The following PDE1A variants were observed in gnomAD, a reference collection of about 807,000 sequenced individuals.
The protein encoded by PDE1A is dual specificity calcium/calmodulin-dependent 3',5'-cyclic nucleotide phosphodiesterase 1A.
In PDE1A, 35 loss-of-function variants were observed where a neutral mutation model predicts 61.7. The ratio of observed to expected loss-of-function variants is 0.57; its 90% CI spans 0.43 to 0.75. The LOEUF is 0.75. Among genes scored for constraint, PDE1A ranks in the 30% least tolerant of loss-of-function variants. The pLI, the probability that PDE1A is intolerant of heterozygous loss-of-function variation, is 0.00. For synonymous variants in PDE1A, 232 were observed against 213.2 expected, an observed-to-expected ratio of 1.09 and a Z score of -0.77; for missense variants, 597 against 630.6, an observed-to-expected ratio of 0.95 and a Z score of 0.57.
At chr2:182,147,333 T>C (rs1690549103) in intron 13 of PDE1A, among the ~76,000 whole-genome samples, 181 bp from the exon 14 acceptor site, 1 of 152,202 alleles carries the variant, frequency 6.6e-6, no homozygotes, top group Non-Finnish European at 1.5e-5. Context: ...CTACATAGTA[T>C]AACAAGCTAT....
intron 2 of PDE1A, among the ~76,000 whole-genome samples, chr2:182,504,901 C>CT (rs1220058704): frequency 6.6e-6 from 1 of 152,186 alleles, no homozygotes; most frequent in East Asian, 1.9e-4. Flanking sequence ...CATTGGAAAA[C>CT]TTCAAGATTA....
At chr2:182,701,258 A>G in the PDE1A span, among the ~76,000 whole-genome samples, 1 of 151,566 alleles carries the variant, frequency 6.6e-6, no homozygotes, top group Non-Finnish European at 1.5e-5. Flanking sequence ...GATGGTCTCG[A>G]TCTCCTGACC....
At chr2:182,678,946 TTA>T in the PDE1A span, among the ~76,000 whole-genome samples, 1 of 151,850 alleles carries the variant, frequency 6.6e-6, no homozygotes, top group Non-Finnish European at 1.5e-5. Flanking sequence ...AGGGAGAATT[TTA>T]TATGTTGTCA....
chr2:182,281,873 T>C (rs1693832026), intron 1 of PDE1A, among the ~76,000 whole-genome samples: 1 of 151,902 alleles, frequency 6.6e-6, no homozygotes, highest in African/African-American at 2.4e-5. Context: ...AGTTTAATAT[T>C]AAATATAGTT....
intron 13 of PDE1A, among the ~76,000 whole-genome samples, chr2:182,183,872 A>C (rs767578571): frequency 6.6e-6 from 1 of 152,038 alleles, no homozygotes; most frequent in Non-Finnish European, 1.5e-5. Flanking sequence ...ATAAAAAGTT[A>C]ATTCAGTGAA....
intron 2 of PDE1A, chr2:182,463,461 G>T (rs1281305146): frequency 2.0e-5 from 3 of 151,970 alleles, no homozygotes; most frequent in Non-Finnish European, 4.4e-5. Flanking sequence ...AGCCCACTCT[G>T]ATTTAAACTC....
chr2:182,408,592 A>C (rs921383879), intron 1 of PDE1A, among the ~76,000 whole-genome samples: 4 of 152,158 alleles, frequency 2.6e-5, no homozygotes, highest in African/African-American at 4.8e-5. Context: ...GGGTGGACTA[A>C]ATGAAGACGT....
the PDE1A span, among the ~76,000 whole-genome samples, chr2:182,712,025 CAAT>C: frequency 4.6e-5 from 7 of 152,290 alleles, no homozygotes; most frequent in Middle Eastern, 3.4e-3. Flanking sequence ...AAACTACCAA[CAAT>C]GAGACGAATC....
the PDE1A span, among the ~76,000 whole-genome samples, chr2:182,627,943 C>CAA: frequency 1.5e-3 from 188 of 124,360 alleles, 1 homozygote; most frequent in East Asian, 3.7e-3. Context: ...GACTCCATCT[C>CAA]AAAAAAAAAA....
chr2:182,405,444 C>T (rs1702247641), intron 1 of PDE1A, among the ~76,000 whole-genome samples: 2 of 152,198 alleles, frequency 1.3e-5, no homozygotes, highest in Non-Finnish European at 2.9e-5. Context: ...TCAAGCGGTC[C>T]TGACATAAAC....
At chr2:182,606,959 C>T in the PDE1A span, among the ~76,000 whole-genome samples, 2 of 152,082 alleles carry the variant, frequency 1.3e-5, no homozygotes, top group Admixed American at 1.3e-4. Context: ...AAGGTGCTGC[C>T]GCTGAGGAGA....
At chr2:182,552,894 C>T in the PDE1A span, among the ~76,000 whole-genome samples, 1 of 152,076 alleles carries the variant, frequency 6.6e-6, no homozygotes, top group Non-Finnish European at 1.5e-5. Flanking sequence ...GCTGAGCTTT[C>T]GCTCGCCATC....
chr2:182,532,660 T>C, the PDE1A span, among the ~76,000 whole-genome samples: 10 of 152,250 alleles, frequency 6.6e-5, no homozygotes, highest in African/African-American at 2.2e-4. Flanking sequence ...ATTATATACT[T>C]AAAAATCAAT....
chr2:182,350,172 G>T (rs1474054780), intron 1 of PDE1A, among the ~76,000 whole-genome samples: 1 of 152,064 alleles, frequency 6.6e-6, no homozygotes, highest in Non-Finnish European at 1.5e-5. Flanking sequence ...ATTACACCGT[G>T]TGTACTCTTC....
the PDE1A span, among the ~76,000 whole-genome samples, chr2:182,683,456 CA>C: frequency 2.6e-5 from 4 of 151,774 alleles, no homozygotes; most frequent in African/African-American, 9.7e-5. Context: ...AAATTGAGTC[CA>C]AAAAATAAAC....
chr2:182,428,262 A>C (rs1703738531), upstream of PDE1A, among the ~76,000 whole-genome samples: 1 of 152,142 alleles, frequency 6.6e-6, no homozygotes, highest in Non-Finnish European at 1.5e-5. Context: ...TGAAATTATA[A>C]TATTAATTGA....
intron 1 of PDE1A, among the ~76,000 whole-genome samples, chr2:182,320,095 T>C (rs575748791): frequency 6.6e-6 from 1 of 152,316 alleles, no homozygotes; most frequent in East Asian, 1.9e-4. Flanking sequence ...TCTTGGCTCA[T>C]AGTCAAGACT....
intron 1 of PDE1A, among the ~76,000 whole-genome samples, chr2:182,341,254 C>G (rs924392836): frequency 2.6e-5 from 4 of 152,144 alleles, no homozygotes; most frequent in African/African-American, 9.6e-5. Context: ...ATCTAAATTA[C>G]AAGACCAAGA....
rs1470039614 is a variant in PDE1A at position 182,230,152 on chromosome 2, G to A, written c.535-6C>T. Reference sequence around the variant, plus strand: ...ATTAGGCAAGAAACAGGAATCTGTGGAAAGTAATAATTATAATTATATTTT... The same window carrying A: ...ATTAGGCAAGAAACAGGAATCTGTGAAAAGTAATAATTATAATTATATTTT... On this transcript the variant is annotated splice_region_variant and splice_polypyrimidine_tract_variant and intron_variant, in intron 5 of 13. Transcript: ENST00000351439. The A allele has an allele frequency of 6.2e-7, 1 of 1,609,344 alleles. No homozygotes were observed. Among genetic ancestry groups the A allele is most frequent in the Non-Finnish European group, 8.5e-7 (1 of 1,177,434 alleles).
Sources: gnomAD v4.1 joint callset for allele counts (sites outside exome capture counted in the v4.1 genomes callset) on GRCh38, gnomAD v4.1.1 for gene constraint, MANE v1.5 for transcripts, NCBI Gene and HGNC (gene_info 2026-07-23, HGNC 2026-07-21) for gene names.